The following PCDHGB7 variants were observed in gnomAD, a reference collection of about 807,000 sequenced individuals.
PCDHGB7 encodes the protein protocadherin gamma-B7.
In PCDHGB7, 37 loss-of-function variants were observed where a neutral mutation model predicts 61.4. The ratio of observed to expected loss-of-function variants is 0.60; its 90% CI spans 0.46 to 0.79. The LOEUF is 0.79. PCDHGB7 is among the 30% of genes least tolerant of loss of function. The pLI is 0.00. For missense variants in PCDHGB7, 1,166 were observed against 1,202.5 expected (o/e 0.97, Z 0.45); for synonymous variants, 464 against 503.5 (o/e 0.92, Z 1.05).
intron 1 of PCDHGB7, 90 bp downstream of exon 1, chr5:141,420,364 ACTT>A (rs746817317): frequency 1.3e-4 from 174 of 1,368,558 alleles, no homozygotes; most frequent in Non-Finnish European, 1.6e-4. Context: ...ATTCTAGATA[ACTT>A]CTTCATAGAG....
At chr5:141,509,570 G>A (rs2099877371) in intron 3 of PCDHGB7, among the ~76,000 whole-genome samples, 1 of 152,232 alleles carries the variant, frequency 6.6e-6, no homozygotes, top group South Asian at 2.1e-4. Flanking sequence ...AGCCTTCACA[G>A]TGCGTACAAA....
intron 1 of PCDHGB7, chr5:141,426,796 T>C (rs1053668481): frequency 8.8e-6 from 4 of 456,720 alleles, no homozygotes. Context: ...AGTTACCAGC[T>C]CAGTTCTAAT....
chr5:141,509,143 C>G (rs1022878562), intron 3 of PCDHGB7, among the ~76,000 whole-genome samples: 1 of 152,256 alleles, frequency 6.6e-6, no homozygotes, highest in African/African-American at 2.4e-5. Context: ...AGGCGCATCC[C>G]GGCTCTCCCC....
At chr5:141,492,241 C>G (rs1351937353) in intron 1 of PCDHGB7, among the ~76,000 whole-genome samples, 2 of 152,186 alleles carry the variant, frequency 1.3e-5, no homozygotes, top group East Asian at 3.9e-4. Context: ...TGCTGGCCAC[C>G]CCCACGGCCC....
intron 1 of PCDHGB7, among the ~76,000 whole-genome samples, chr5:141,437,390 A>T (rs1422429346): frequency 6.6e-6 from 1 of 152,248 alleles, no homozygotes; most frequent in Non-Finnish European, 1.5e-5. Flanking sequence ...ACATTCATCC[A>T]CTGCTTTCAT....
chr5:141,432,138 A>C lies in PCDHGB7; in HGVS notation c.2415+11864A>C, dbSNP rs2097456794. On this transcript the variant is annotated intron_variant, in intron 1 of 3. Coordinates refer to ENST00000398594, the MANE Select transcript of PCDHGB7 (RefSeq NM_018927.4). The surrounding 1 kb of genome is among the most constrained non-coding windows in gnomAD (Gnocchi z 6.0). ...TTCCCTCAGGCCTCCTATTCCGCTT[A>C]TATCCCAGAGAACAATCCCAGAGGA... 1 of 1,613,954 alleles carries C rather than the reference A, an allele frequency of 6.2e-7. No individual in the cohort carries two copies. Among genetic ancestry groups the C allele is most frequent in the African/African-American group, 1.3e-5 (1 of 74,882 alleles).
At chr5:141,451,776 G>C (rs1279891846) in intron 1 of PCDHGB7, among the ~76,000 whole-genome samples, 1 of 152,078 alleles carries the variant, frequency 6.6e-6, no homozygotes, top group Non-Finnish European at 1.5e-5. Flanking sequence ...AGCTACTCAG[G>C]AGGCTGAGGC....
chr5:141,419,515 G>T lies in PCDHGB7; in HGVS notation c.1656G>T (p.Val552=). 6.2e-7 allele frequency: 1 copy of T among 1,612,264 alleles called. No homozygotes were observed. The highest frequency in any genetic ancestry group is 8.5e-7 in the Non-Finnish European group (1 of 1,179,504). ...CCAATGTGAGCCTGCGCGTGTTGGTGGGCGACCGTAACGACAACGCACCGC... is the reference window on the plus strand; with the variant it reads ...CCAATGTGAGCCTGCGCGTGTTGGTTGGCGACCGTAACGACAACGCACCGC... The part of the protein sequence containing the change: ...LSANVSLRVL[V]GDRNDNAPRV... Residue 552 remains valine, a synonymous_variant, in exon 1 of 4, where the codon GTG becomes GTT. Coordinates refer to ENST00000398594, the MANE Select transcript of PCDHGB7 (RefSeq NM_018927.4).
At chr5:141,433,381 A>ATCTG (rs1561869478) in intron 1 of PCDHGB7, among the ~76,000 whole-genome samples, 2 of 151,148 alleles carry the variant, frequency 1.3e-5, no homozygotes, top group Non-Finnish European at 2.9e-5. Flanking sequence ...CTATCTATCT[A>ATCTG]TCTATCTATC....
At chr5:141,422,280 C>G (rs748287385) in intron 1 of PCDHGB7, 9 of 1,557,754 alleles carry the variant, frequency 5.8e-6, no homozygotes, top group Non-Finnish European at 7.8e-6. Flanking sequence ...TAACTATCAC[C>G]TCTTCTATTA....
In PCDHGB7 at chr5:141,418,348, T is replaced by G. The variant is rs2096249125; in HGVS notation, c.489T>G (p.Ser163Arg). 6.2e-7 allele frequency: 1 copy of G among 1,613,982 alleles called. No homozygotes were observed. The highest frequency in any genetic ancestry group is 1.3e-5 in the African/African-American group (1 of 75,050). The change falls in exon 1 of 4, where the codon AGT (serine) becomes AGG (arginine). Residue 163 changes from serine to arginine, a missense_variant. Transcript: ENST00000398594. ...ILESAEDPDI[S>R]MNSLSKYQLS... ...AGTCTGCAGAAGATCCTGATATTAG[T>G]ATGAATTCGCTGAGCAAATACCAAC...
chr5:141,485,500 C>T lies in PCDHGB7; in HGVS notation c.2416-9307C>T. 1 of 1,614,142 alleles carries T rather than the reference C, an allele frequency of 6.2e-7. No homozygotes were observed. The highest frequency in any genetic ancestry group is 8.5e-7 in the Non-Finnish European group (1 of 1,180,038). ...GCTGCATCGTGCCCCTGGAGTTTGT[C>T]ACCGAAGGTCCTTTGGAAATGTACC... On this transcript the variant is annotated intron_variant, in intron 1 of 3. Coordinates refer to ENST00000398594, the MANE Select transcript of PCDHGB7 (RefSeq NM_018927.4). The surrounding 1 kb of genome is among the most constrained non-coding windows in gnomAD (Gnocchi z 5.7).
chr5:141,498,294 G>A (rs2099782964), intron 2 of PCDHGB7, among the ~76,000 whole-genome samples: 1 of 151,910 alleles, frequency 6.6e-6, no homozygotes, highest in African/African-American at 2.4e-5. Flanking sequence ...GATCAAGCCA[G>A]CTCTGGGTCA....
chr5:141,427,504 C>A (rs755936092), intron 1 of PCDHGB7: 8 of 579,302 alleles, frequency 1.4e-5, no homozygotes, highest in Middle Eastern at 2.7e-4. Context: ...ACAGATGGGA[C>A]CCTGGATTGG....
In PCDHGB7 at chr5:141,511,186, G is replaced by T; in HGVS notation, c.*13G>T. On this transcript the variant is annotated 3_prime_UTR_variant, in exon 4 of 4. Transcript: ENST00000398594. ...GGAGAAGAAGTAACATGGAGGCCAG[G>T]CCAAGAGCCACAGGGCGGCCTCTCC... 6.2e-7 allele frequency: 1 copy of T among 1,613,906 alleles called. No individual in the cohort carries two copies. The highest frequency in any genetic ancestry group is 2.2e-5 in the East Asian group (1 of 44,876).
At position 141,491,151 on chromosome 5, in the gene PCDHGB7, T is replaced by C. The variant is rs1283775894; in HGVS notation, c.2416-3656T>C. The C allele has an allele frequency of 6.2e-7, 1 of 1,614,150 alleles. No individual in the cohort carries two copies. On this transcript the variant is annotated intron_variant, in intron 1 of 3. Transcript: ENST00000398594. The surrounding 1 kb of genome is among the most constrained non-coding windows in gnomAD (Gnocchi z 6.9). ...GCACAGCCCGGGCCTTACTGGAGGA[T>C]GACTCTGACACCCAGCAGGTGGTGG...
At chr5:141,421,261 C>T (rs753531462) in intron 1 of PCDHGB7, 24 of 1,609,076 alleles carry the variant, frequency 1.5e-5, no homozygotes, top group Non-Finnish European at 2.0e-5. Context: ...GGACCGCAGT[C>T]GGCTGCTGCT....
At position 141,491,422 on chromosome 5, in the gene PCDHGB7, G is replaced by T. The variant is rs1413549196; in HGVS notation, c.2416-3385G>T. 1 of 1,614,112 alleles carries T rather than the reference G, an allele frequency of 6.2e-7. No homozygotes were observed. The stretch of plus-strand genomic sequence containing the variant: ...AAACGCAGACGGGGACGGGGGTGGA[G>T]GGCAGTGCTGCAGGCGCCAGGACTC... On this transcript the variant is annotated intron_variant, in intron 1 of 3. Coordinates refer to ENST00000398594, the MANE Select transcript of PCDHGB7 (RefSeq NM_018927.4). The surrounding 1 kb of genome is among the most constrained non-coding windows in gnomAD (Gnocchi z 6.9).
chr5:141,447,538 T>C (rs954291961), intron 1 of PCDHGB7, among the ~76,000 whole-genome samples: 4 of 152,204 alleles, frequency 2.6e-5, no homozygotes, highest in Admixed American at 2.6e-4. Context: ...TTGTTGGGTT[T>C]TAATGTTATG....
Sources: gnomAD v4.1 joint callset for allele counts (sites outside exome capture counted in the v4.1 genomes callset) on GRCh38, gnomAD v4.1.1 for gene constraint, Gnocchi (gnomAD v3.1) non-coding constraint, MANE v1.5 for transcripts, NCBI Gene and HGNC (gene_info 2026-07-23, HGNC 2026-07-21) for gene names.